The following CDH20 variants were observed in gnomAD, a reference collection of about 807,000 sequenced individuals.
The protein encoded by CDH20 is cadherin-20.
CDH20 carries 29 observed loss-of-function variants against 74.2 expected under a neutral mutation model. The ratio of observed to expected loss-of-function variants is 0.39; its 90% CI spans 0.29 to 0.53. The LOEUF is 0.53. Ranked by LOEUF, CDH20 falls within the 20% of genes least tolerant of loss-of-function variation. The pLI, the probability that CDH20 is intolerant of heterozygous loss-of-function variation, is 0.69. For synonymous variants in CDH20, 469 were observed against 405.4 expected, an observed-to-expected ratio of 1.16 and a Z score of -1.88; for missense variants, 988 against 1,048.3, an observed-to-expected ratio of 0.94 and a Z score of 0.79.
chr18:61,523,301 A>G (rs1160268101), intron 6 of CDH20, among the ~76,000 whole-genome samples: 9 of 152,260 alleles, frequency 5.9e-5, no homozygotes, highest in Non-Finnish European at 1.3e-4. Context: ...TATGCAGCCA[A>G]CAAACATGAA....
chr18:61,445,966 T>C (rs1353012907), intron 1 of CDH20, among the ~76,000 whole-genome samples: 1 of 152,070 alleles, frequency 6.6e-6, no homozygotes, highest in African/African-American at 2.4e-5. Flanking sequence ...AGTGTCCCTG[T>C]ATATAGATCT....
intron 1 of CDH20, among the ~76,000 whole-genome samples, chr18:61,355,366 A>C (rs1376513178): frequency 5.3e-5 from 8 of 152,230 alleles, no homozygotes; most frequent in African/African-American, 1.9e-4. Flanking sequence ...ATATAGTATC[A>C]TTCTTACTGG....
intron 1 of CDH20, among the ~76,000 whole-genome samples, chr18:61,392,383 G>A (rs953454229): frequency 1.3e-5 from 2 of 152,110 alleles, no homozygotes; most frequent in Non-Finnish European, 2.9e-5. Context: ...ATCAGTATCT[G>A]CAGATGCAGA....
At chr18:61,470,658 C>T (rs111725036) in intron 1 of CDH20, among the ~76,000 whole-genome samples, 1,711 of 151,408 alleles carry the variant, frequency 0.011, 31 homozygotes, top group African/African-American at 0.038. Context: ...AGAGAAAGGA[C>T]AAAAACAAGA....
At chr18:61,453,920 C>T (rs1348436309) in intron 1 of CDH20, among the ~76,000 whole-genome samples, 4 of 152,142 alleles carry the variant, frequency 2.6e-5, no homozygotes, top group African/African-American at 9.7e-5. Context: ...TTTACATTCT[C>T]CTCAGCAATG....
At chr18:61,440,122 C>A (rs373043295) in intron 1 of CDH20, among the ~76,000 whole-genome samples, 1 of 152,210 alleles carries the variant, frequency 6.6e-6, no homozygotes, top group Admixed American at 6.5e-5. Context: ...TTACACCTCA[C>A]TCCTTTGCCT....
At chr18:61,458,789 T>C (rs1240708761) in intron 1 of CDH20, among the ~76,000 whole-genome samples, 1 of 152,240 alleles carries the variant, frequency 6.6e-6, no homozygotes, top group East Asian at 1.9e-4. Context: ...TGTGGGAAGG[T>C]GATGGCAGAG....
chr18:61,466,917 C>T lies in CDH20; in HGVS notation c.-152-23485C>T, dbSNP rs574486048. On this transcript the variant is annotated intron_variant, in intron 1 of 11. Coordinates refer to ENST00000262717, the MANE Select transcript of CDH20 (RefSeq NM_031891.4). ...TCTGCTCTGCTTCTGCAGGGCACAG[C>T]GCCCCAGCCATCCTTGCAGGTTCCC... Among the ~76,000 whole-genome samples the T allele has an allele frequency of 5.9e-5, 9 of 152,274 alleles. No homozygotes were observed. In the South Asian group the frequency reaches 8.3e-4, roughly 14 times the overall value.
chr18:61,471,374 C>T (rs535843378), intron 1 of CDH20, among the ~76,000 whole-genome samples: 10 of 152,198 alleles, frequency 6.6e-5, no homozygotes, highest in Admixed American at 3.3e-4. Context: ...GAGTTAGGTC[C>T]GTGACATACC....
chr18:61,526,048 C>T (rs896672234), intron 6 of CDH20, among the ~76,000 whole-genome samples: 9 of 142,682 alleles, frequency 6.3e-5, no homozygotes, highest in Admixed American at 3.6e-4. Flanking sequence ...TGGCCTCAAG[C>T]GATTCTCCCA....
intron 1 of CDH20, among the ~76,000 whole-genome samples, chr18:61,431,510 T>G (rs990846893): frequency 6.6e-6 from 1 of 152,192 alleles, no homozygotes. Context: ...TTGGTTCTAA[T>G]GTACCATAGA....
At chr18:61,364,032 C>T (rs1431776085) in intron 1 of CDH20, among the ~76,000 whole-genome samples, 1 of 152,206 alleles carries the variant, frequency 6.6e-6, no homozygotes, top group East Asian at 1.9e-4. Context: ...CTTGGAACTG[C>T]ACCTTGAGTC....
At chr18:61,359,300 T>A (rs34102241) in intron 1 of CDH20, among the ~76,000 whole-genome samples, 10,681 of 151,988 alleles carry the variant, frequency 0.07, 468 homozygotes, top group Non-Finnish European at 0.1. Flanking sequence ...TATGCTTAAA[T>A]CTTCTAAAGA....
At chr18:61,414,347 C>T (rs1349507813) in intron 1 of CDH20, among the ~76,000 whole-genome samples, 3 of 152,148 alleles carry the variant, frequency 2.0e-5, no homozygotes, top group African/African-American at 7.2e-5. Context: ...CTCAGCAAAA[C>T]TAATTCATCT....
Position 61,527,944 on chromosome 18 carries a change from A to G in CDH20, c.1018-23A>G, listed in dbSNP as rs774741657. On this transcript the variant is annotated intron_variant, in intron 6 of 11. Transcript: ENST00000262717. ...AATCTTGAACCTCAGTGGCGAATCA[A>G]TTTTCCTGTCATTGCTTTTCAGCCC... 5 of 1,613,058 alleles carry G rather than the reference A, an allele frequency of 3.1e-6. No individual in the cohort carries two copies. The Middle Eastern group carries it at 5.0e-4, about 160-fold the overall frequency.
chr18:61,509,860 G>C (rs1046403873), intron 6 of CDH20, among the ~76,000 whole-genome samples: 28 of 152,138 alleles, frequency 1.8e-4, no homozygotes, highest in African/African-American at 6.8e-4. Flanking sequence ...TATTTTGAAA[G>C]CAGAGCCAAC....
At chr18:61,546,518 G>A (rs1913255520) in intron 10 of CDH20, among the ~76,000 whole-genome samples, 1 of 152,186 alleles carries the variant, frequency 6.6e-6, no homozygotes, top group South Asian at 2.1e-4. Context: ...TCATTTATCT[G>A]CTTCATAGGG....
intron 6 of CDH20, among the ~76,000 whole-genome samples, chr18:61,523,093 C>A (rs913799047): frequency 6.6e-6 from 1 of 152,022 alleles, no homozygotes; most frequent in African/African-American, 2.4e-5. Context: ...AGCTTCTGCA[C>A]AGCAAAAGAA....
intron 6 of CDH20, among the ~76,000 whole-genome samples, chr18:61,508,437 C>A (rs1911657407): frequency 6.6e-6 from 1 of 151,984 alleles, no homozygotes; most frequent in Admixed American, 6.6e-5. Flanking sequence ...GGAAGCAGAA[C>A]AGAACACAAT....
Sources: gnomAD v4.1 joint callset for allele counts (sites outside exome capture counted in the v4.1 genomes callset) on GRCh38, gnomAD v4.1.1 for gene constraint, MANE v1.5 for transcripts, NCBI Gene and HGNC (gene_info 2026-07-23, HGNC 2026-07-21) for gene names.